The following KCND3 variants were observed in gnomAD, a reference collection of about 807,000 sequenced individuals.
KCND3 encodes the protein potassium voltage-gated channel subfamily D member 3, also known as A-type voltage-gated potassium channel KCND3.
Under a neutral mutation model 51.1 loss-of-function variants are expected in KCND3, and 9 were observed. That is an observed-to-expected ratio of 0.18 (90% CI 0.11 to 0.31). The LOEUF (loss-of-function observed/expected upper bound fraction) is 0.31. KCND3 is among the 10% of genes least tolerant of loss of function. The pLI is 1.00. For synonymous variants in KCND3, 349 were observed against 368.0 expected, an observed-to-expected ratio of 0.95 and a Z score of 0.59; for missense variants, 526 against 903.8, an observed-to-expected ratio of 0.58 and a Z score of 5.36.
chr1:111,805,279 G>C (rs533628125), intron 2 of KCND3, among the ~76,000 whole-genome samples: 1 of 152,294 alleles, frequency 6.6e-6, no homozygotes, highest in Non-Finnish European at 1.5e-5. Flanking sequence ...TCTCAGCCCA[G>C]TCCACCAGAC....
intron 1 of KCND3, among the ~76,000 whole-genome samples, chr1:111,983,503 G>C (rs774089532): frequency 6.6e-6 from 1 of 152,138 alleles, no homozygotes; most frequent in Non-Finnish European, 1.5e-5. Flanking sequence ...GACCCTCAGA[G>C]CCATGATGGA....
At chr1:111,781,351 T>A (rs553816) in intron 3 of KCND3, among the ~76,000 whole-genome samples, 15,596 of 152,270 alleles carry the variant, frequency 0.1, 1,497 homozygotes, top group African/African-American at 0.25. Flanking sequence ...TTATATATTT[T>A]TCTTGATACT....
In KCND3 at chr1:111,955,724, T is replaced by C. The variant is rs772293113; in HGVS notation, c.1106+25897A>G. 2.0e-4 allele frequency among the ~76,000 whole-genome samples: 31 copies of C among 152,352 alleles called. No individual in the cohort carries two copies. The Middle Eastern group carries it at 0.01, about 50-fold the overall frequency. Reference sequence around the variant, plus strand: ...TTAGAATAAATTATGAATGACTCAATGAAAGAATGAATTCTTTTAGTTTTT... The same window carrying C: ...TTAGAATAAATTATGAATGACTCAACGAAAGAATGAATTCTTTTAGTTTTT... On this transcript the variant is annotated intron_variant, in intron 2 of 7. Coordinates refer to ENST00000302127, the MANE Select transcript of KCND3 (RefSeq NM_001378969.1).
chr1:111,779,108 A>C (rs1309979347), intron 5 of KCND3, among the ~76,000 whole-genome samples: 3 of 152,154 alleles, frequency 2.0e-5, no homozygotes, highest in African/African-American at 4.8e-5. Context: ...GCACCTTCCC[A>C]TTTTGGAAGT....
rs761121098 is a variant in KCND3, at chr1:111,982,557, G to A, written c.170C>T (p.Thr57Met). ...SGRRFQTWRTTLERYPDTLLG... is the reference protein window; with the variant it reads ...SGRRFQTWRTMLERYPDTLLG... Reference sequence around the variant, plus strand: ...CAGGGTGTCCGGGTAGCGCTCCAGCGTGGTCCTCCAGGTCTGGAACCTCCG... The same window carrying A: ...CAGGGTGTCCGGGTAGCGCTCCAGCATGGTCCTCCAGGTCTGGAACCTCCG... Residue 57 changes from threonine to methionine, a missense_variant, in exon 2 of 8, where the codon ACG (threonine) becomes ATG (methionine). Transcript: ENST00000302127. This position sits in a 1 kb window ranked among gnomAD's most constrained non-coding sequence, Gnocchi z 8.5. 1 of 1,610,906 alleles carries A rather than the reference G, an allele frequency of 6.2e-7. No homozygotes were observed. Among genetic ancestry groups the A allele is most frequent in the East Asian group, 2.2e-5 (1 of 44,746 alleles).
At chr1:111,984,748 T>C (rs1675171059) in intron 1 of KCND3, among the ~76,000 whole-genome samples, 1 of 152,166 alleles carries the variant, frequency 6.6e-6, no homozygotes, top group Non-Finnish European at 1.5e-5. Context: ...GACCAAGACC[T>C]GTTCATGGAC....
chr1:111,815,891 C>A (rs6692346), intron 2 of KCND3, among the ~76,000 whole-genome samples: 20,962 of 151,886 alleles, frequency 0.14, 2,278 homozygotes, highest in African/African-American at 0.3. Flanking sequence ...GTTCCCCCCC[C>A]ACACAAAAAT....
intron 2 of KCND3, among the ~76,000 whole-genome samples, chr1:111,915,761 AAAAAC>A: frequency 6.6e-6 from 1 of 151,268 alleles, no homozygotes; most frequent in Non-Finnish European, 1.5e-5. Context: ...TCAAAAAAAA[AAAAAC>A]AAAAAAAAAA....
At chr1:111,893,108 G>C (rs1312599020) in intron 2 of KCND3, among the ~76,000 whole-genome samples, 1 of 152,212 alleles carries the variant, frequency 6.6e-6, no homozygotes, top group African/African-American at 2.4e-5. Context: ...GGTGACAGAA[G>C]ACCATCCCCA....
chr1:111,988,606 G>A (rs1462494248), intron 1 of KCND3: 1 of 152,126 alleles, frequency 6.6e-6, no homozygotes, highest in Non-Finnish European at 1.5e-5. Flanking sequence ...AGGCTCCCTC[G>A]AAGTAAGGTA....
intron 2 of KCND3, among the ~76,000 whole-genome samples, chr1:111,927,225 C>G (rs1050672641): frequency 3.9e-5 from 6 of 152,198 alleles, no homozygotes; most frequent in African/African-American, 1.4e-4. Flanking sequence ...GGCTGCCCCC[C>G]AGTGGGGGCT....
At chr1:111,871,958 G>A (rs1202630531) in intron 2 of KCND3, among the ~76,000 whole-genome samples, 3 of 152,184 alleles carry the variant, frequency 2.0e-5, no homozygotes, top group African/African-American at 7.2e-5. Flanking sequence ...AAGGCCACTG[G>A]ATTTGGGGCC....
At chr1:111,921,311 A>T (rs1301894489) in intron 2 of KCND3, among the ~76,000 whole-genome samples, 1 of 152,210 alleles carries the variant, frequency 6.6e-6, no homozygotes, top group Non-Finnish European at 1.5e-5. Context: ...GGGCCCTCGA[A>T]TCTCTTCCAT....
At chr1:111,776,935 G>A in intron 7 of KCND3, 91 bp downstream of exon 7, 1 of 1,587,610 alleles carries the variant, frequency 6.3e-7, no homozygotes, top group Non-Finnish European at 8.6e-7. Flanking sequence ...GCGGCTAGAG[G>A]ATCCTCAAGG....
chr1:111,940,904 T>C (rs185271265), intron 2 of KCND3, among the ~76,000 whole-genome samples: 19 of 152,320 alleles, frequency 1.2e-4, no homozygotes, highest in Admixed American at 3.9e-4. Flanking sequence ...TTTTGAACAC[T>C]TGTGGTAACT....
intron 2 of KCND3, among the ~76,000 whole-genome samples, chr1:111,860,052 A>G (rs1023819929): frequency 1.4e-4 from 22 of 152,242 alleles, no homozygotes; most frequent in Non-Finnish European, 2.9e-5. Flanking sequence ...CATTGGTGCT[A>G]TTCTGATATA....
intron 2 of KCND3, among the ~76,000 whole-genome samples, chr1:111,972,002 G>C (rs1674353192): frequency 6.6e-6 from 1 of 152,112 alleles, no homozygotes; most frequent in Non-Finnish European, 1.5e-5. Context: ...CATTCATCCA[G>C]AAGACAGCTG....
intron 1 of KCND3, among the ~76,000 whole-genome samples, chr1:111,987,385 G>A (rs1675341688): frequency 6.6e-6 from 1 of 152,160 alleles, no homozygotes; most frequent in African/African-American, 2.4e-5. Flanking sequence ...CGTGAATCCA[G>A]GGCAATCTTC....
At chr1:111,778,363 TA>T (rs978571728) in intron 6 of KCND3, 72 bp downstream of exon 6, 1 of 1,422,238 alleles carries the variant, frequency 7.0e-7, no homozygotes, top group Non-Finnish European at 9.9e-7. Context: ...GGCCGGGGGG[TA>T]AAAAGGGGAG....
Sources: allele counts gnomAD v4.1 joint callset (sites outside exome capture counted in the v4.1 genomes callset), GRCh38; gene constraint gnomAD v4.1.1; non-coding constraint Gnocchi (gnomAD v3.1); transcripts MANE v1.5; gene names NCBI Gene and HGNC (gene_info 2026-07-23, HGNC 2026-07-21).